The following PGM2 variants were observed in gnomAD, a reference collection of about 807,000 sequenced individuals.
PGM2 encodes the protein phosphopentomutase.
Under a neutral mutation model 74.6 loss-of-function variants are expected in PGM2, and 57 were observed. That is an observed-to-expected ratio of 0.76 (90% CI 0.62 to 0.95). The LOEUF (loss-of-function observed/expected upper bound fraction) is 0.95. PGM2 is among the 40% of genes least tolerant of loss of function. The pLI is 0.00. For synonymous variants in PGM2, 273 were observed against 260.7 expected, an observed-to-expected ratio of 1.05 and a Z score of -0.46; for missense variants, 706 against 741.9, an observed-to-expected ratio of 0.95 and a Z score of 0.56.
chr4:37,838,028 C>T (rs1424582386), intron 4 of PGM2, among the ~76,000 whole-genome samples: 2 of 152,004 alleles, frequency 1.3e-5, no homozygotes, highest in Non-Finnish European at 2.9e-5. Flanking sequence ...TTACAGGTGC[C>T]TGCCATCACT....
In PGM2 at chr4:37,862,576, C is replaced by T. The variant is rs1363561249; in HGVS notation, c.*964C>T. On this transcript the variant is annotated 3_prime_UTR_variant, in exon 14 of 14. Transcript: ENST00000381967. ...CTTCTATCTTCTCATAATTCGTGGT[C>T]TTACAGCCTTCCAAAATAACTCCAG... 6.6e-6 allele frequency: 1 copy of T among 152,044 alleles called. No individual in the cohort carries two copies. The highest frequency in any genetic ancestry group is 1.5e-5 in the Non-Finnish European group (1 of 68,002). 9.4% of individuals were successfully genotyped at this position (152,044 alleles called of 1,614,324 possible). A position where few individuals can be genotyped will look rare whatever the true frequency, so the allele number is the denominator to read the frequency against.
intron 3 of PGM2, among the ~76,000 whole-genome samples, chr4:37,835,881 G>T (rs1577673793): frequency 1.3e-5 from 2 of 152,220 alleles, no homozygotes; most frequent in African/African-American, 4.8e-5. Flanking sequence ...AAAAGTTATA[G>T]CTCTGGGGGA....
At chr4:37,839,149 G>A (rs774870912) in intron 4 of PGM2, among the ~76,000 whole-genome samples, 17 of 124,144 alleles carry the variant, frequency 1.4e-4, no homozygotes, top group Non-Finnish European at 2.1e-4. Context: ...ACAGAGTTTC[G>A]CTCTTGTCTC....
In PGM2 at chr4:37,852,133, CTTTTTTTTTTTTT is replaced by C. The variant is rs778968323; in HGVS notation, c.1602+1774_1602+1786del. Among the ~76,000 whole-genome samples the C allele has an allele frequency of 4.3e-3, 202 of 47,278 alleles. 1 individual carries two copies. In the South Asian group the frequency reaches 0.054, roughly 13 times the overall value. 31.0% of individuals were successfully genotyped at this position (47,278 alleles called of 152,430 possible). On this transcript the variant is annotated intron_variant, in intron 12 of 13. Coordinates refer to ENST00000381967, the MANE Select transcript of PGM2 (RefSeq NM_018290.4). ...CAAGGGTATGCCATCATGCCCAGCT[CTTTTTTTTTTTTT>C]TTTTTTTTTTTTTGGAGGGACGAGT... is the stretch of plus-strand genomic sequence containing the variant.
chr4:37,832,269 A>T (rs964204780), intron 2 of PGM2, among the ~76,000 whole-genome samples: 1 of 152,256 alleles, frequency 6.6e-6, no homozygotes, highest in Non-Finnish European at 1.5e-5. Context: ...GTATATCTTT[A>T]AAATCTTAGG....
At chr4:37,830,154 T>A in intron 2 of PGM2, 23 bp downstream of exon 2, 2 of 1,470,196 alleles carry the variant, frequency 1.4e-6, no homozygotes, top group Non-Finnish European at 1.8e-6. Context: ...TTATAATTCT[T>A]AGTAACTCAA....
chr4:37,839,401 C>A (rs993011096), intron 4 of PGM2: 5 of 368,770 alleles, frequency 1.4e-5, no homozygotes, highest in Non-Finnish European at 2.7e-5. Context: ...AGGCGTGAGA[C>A]ACCACCCCTG....
chr4:37,838,879 A>G (rs905602629), intron 4 of PGM2, among the ~76,000 whole-genome samples: 22 of 152,194 alleles, frequency 1.4e-4, no homozygotes, highest in Middle Eastern at 3.4e-3. Context: ...CATAACTTCC[A>G]GGGTGTTCAA....
In PGM2 at chr4:37,844,561, A is replaced by G. The variant is rs778009517; in HGVS notation, c.909+8A>G. ...GAGGGGAAAGGTGTCTTGGTAACCT[A>G]ATTTTTTTTTAAATTATGAAATCTG... is the stretch of plus-strand genomic sequence containing the variant. On this transcript the variant is annotated splice_region_variant and intron_variant, in intron 7 of 13. Coordinates refer to ENST00000381967, the MANE Select transcript of PGM2 (RefSeq NM_018290.4). 6.4e-7 allele frequency: 1 copy of G among 1,552,752 alleles called. No homozygotes were observed. The highest frequency in any genetic ancestry group is 1.4e-5 in the African/African-American group (1 of 72,398).
chr4:37,858,528 T>C (rs1367937536), intron 13 of PGM2, among the ~76,000 whole-genome samples: 3 of 151,012 alleles, frequency 2.0e-5, no homozygotes, highest in African/African-American at 7.3e-5. Context: ...TTTTTTTTTT[T>C]TAGTAGAGAC....
intron 7 of PGM2, among the ~76,000 whole-genome samples, chr4:37,844,975 CAAAAAAAAAAAA>C (rs35469320): frequency 2.3e-4 from 22 of 94,324 alleles, no homozygotes; most frequent in East Asian, 1.5e-3. Context: ...GACTTTGTCT[CAAAAAAAAAAAA>C]AAAAAAAACA....
At position 37,848,603 on chromosome 4, in the gene PGM2, C is replaced by G. The variant is rs1176828043; in HGVS notation, c.1364C>G (p.Ala455Gly). The stretch of plus-strand genomic sequence containing the variant: ...AGTGCAGAGTTGGCTAGCTTCCTAG[C>G]AACCAAGAATTTGTCTTTGTCTCAG... ...VISAELASFL[A>G]TKNLSLSQQL... Residue 455 changes from alanine to glycine, a missense_variant, in exon 11 of 14, where the codon GCA becomes GGA. Transcript: ENST00000381967. 1.2e-6 allele frequency: 2 copies of G among 1,613,522 alleles called. No homozygotes were observed. Among genetic ancestry groups the G allele is most frequent in the Non-Finnish European group, 1.7e-6 (2 of 1,179,546 alleles).
Position 37,844,403 on chromosome 4 carries a change from C to G in PGM2, c.759C>G (p.Thr253=), listed in dbSNP as rs773633188. The G allele has an allele frequency of 6.2e-7, 1 of 1,613,444 alleles. No individual in the cohort carries two copies. The highest frequency in any genetic ancestry group is 8.5e-7 in the Non-Finnish European group (1 of 1,179,644). ...AGACAAAGGTGAAGTTTGTGCACAC[C>G]TCTGTCCATGGGGTGGGTCATAGCT... ...NRETKVKFVH[T]SVHGVGHSFV... The change falls in exon 7 of 14, where the codon ACC becomes ACG. Residue 253 remains threonine (T), a synonymous_variant. Transcript: ENST00000381967.
intron 12 of PGM2, among the ~76,000 whole-genome samples, chr4:37,851,567 C>G (rs1039767672): frequency 9.2e-5 from 14 of 152,134 alleles, no homozygotes; most frequent in African/African-American, 3.4e-4. Context: ...TTCTATTTTT[C>G]ATTTTCATCT....
intron 13 of PGM2, among the ~76,000 whole-genome samples, chr4:37,858,610 A>G (rs1711646119): frequency 6.6e-6 from 1 of 151,520 alleles, no homozygotes; most frequent in South Asian, 2.1e-4. Flanking sequence ...TCAGCCTCCC[A>G]AAGTGTTGGG....
chr4:37,830,743 TTGA>T (rs1725421161), intron 2 of PGM2, among the ~76,000 whole-genome samples: 1 of 152,186 alleles, frequency 6.6e-6, no homozygotes, highest in Non-Finnish European at 1.5e-5. Context: ...CTTAGACCTG[TTGA>T]TGATGAATGT....
intron 13 of PGM2, among the ~76,000 whole-genome samples, chr4:37,861,302 G>A (rs1244019394): frequency 1.3e-5 from 2 of 152,076 alleles, no homozygotes; most frequent in Non-Finnish European, 2.9e-5. Context: ...AAAATCTTTG[G>A]GAAAAATAAT....
intron 6 of PGM2, among the ~76,000 whole-genome samples, chr4:37,842,632 A>G (rs1194279706): frequency 6.7e-6 from 1 of 149,624 alleles, no homozygotes; most frequent in Non-Finnish European, 1.5e-5. Context: ...TATATATCAG[A>G]TAACTGCTGG....
chr4:37,829,606 T>A (rs565945918), intron 1 of PGM2, among the ~76,000 whole-genome samples: 1 of 152,150 alleles, frequency 6.6e-6, no homozygotes, highest in Non-Finnish European at 1.5e-5. Context: ...GGTTCTAGAT[T>A]ATTCCCATTT....
Sources: allele counts gnomAD v4.1 joint callset (sites outside exome capture counted in the v4.1 genomes callset), GRCh38; gene constraint gnomAD v4.1.1; transcripts MANE v1.5; gene names NCBI Gene and HGNC (gene_info 2026-07-23, HGNC 2026-07-21).